SYN3: variants seen among roughly 807,000 people sequenced by gnomAD.
SYN3 encodes the protein synapsin-3.
Under a neutral mutation model 65.8 loss-of-function variants are expected in SYN3, and 35 were observed. The ratio of observed to expected loss-of-function variants is 0.53; its 90% CI spans 0.41 to 0.70. The LOEUF (loss-of-function observed/expected upper bound fraction) is 0.70, where lower values mean the gene tolerates loss of function less well. Among genes scored for constraint, SYN3 ranks in the 30% least tolerant of loss-of-function variants. SYN3 has a pLI of 0.00. For missense variants in SYN3, 680 were observed against 749.0 expected (o/e 0.91, Z 1.08); for synonymous variants, 270 against 292.9 (o/e 0.92, Z 0.80).
intron 4 of SYN3, among the ~76,000 whole-genome samples, chr22:32,914,258 T>G (rs2050131870): frequency 6.6e-6 from 1 of 152,200 alleles, no homozygotes; most frequent in Non-Finnish European, 1.5e-5. Context: ...ATAGTCATAC[T>G]CAATCATGTA....
chr22:32,510,676 C>G lies in SYN3; in HGVS notation c.*3016G>C, dbSNP rs1311857753. On this transcript the variant is annotated 3_prime_UTR_variant, in exon 14 of 14. Coordinates refer to ENST00000358763, the MANE Select transcript of SYN3 (RefSeq NM_003490.4). ...AAGTGGAAGAAACCAAACTTCAACT[C>G]CTATAGCTCTCTGTGCTTGAATCTT... Among the ~76,000 whole-genome samples, 1 of 152,146 alleles carries G rather than the reference C, an allele frequency of 6.6e-6. No homozygotes were observed. The highest frequency in any genetic ancestry group is 2.4e-5 in the African/African-American group (1 of 41,404).
At chr22:32,699,316 C>T (rs1001849735) in intron 6 of SYN3, among the ~76,000 whole-genome samples, 4 of 152,200 alleles carry the variant, frequency 2.6e-5, no homozygotes, top group Admixed American at 1.3e-4. Flanking sequence ...CCACATGGGC[C>T]GTTGGGCTCC....
chr22:32,951,227 A>G (rs567571230), intron 3 of SYN3, among the ~76,000 whole-genome samples: 1 of 152,028 alleles, frequency 6.6e-6, no homozygotes, highest in East Asian at 1.9e-4. Flanking sequence ...CCATTGCCAC[A>G]CTGTCAAACA....
chr22:32,726,275 T>A (rs1287515181), intron 6 of SYN3, among the ~76,000 whole-genome samples: 2 of 152,140 alleles, frequency 1.3e-5, no homozygotes, highest in Non-Finnish European at 2.9e-5. Context: ...CCCAAGTAGC[T>A]GGGATTATAG....
chr22:32,515,851 T>G (rs879775514), intron 13 of SYN3, among the ~76,000 whole-genome samples: 11 of 151,610 alleles, frequency 7.3e-5, no homozygotes, highest in Non-Finnish European at 1.6e-4. Context: ...CAGGCTGGAG[T>G]GCAGTGGCAC....
At chr22:32,973,945 C>A (rs539348021) in intron 3 of SYN3, among the ~76,000 whole-genome samples, 2 of 152,170 alleles carry the variant, frequency 1.3e-5, no homozygotes, top group Non-Finnish European at 2.9e-5. Context: ...TGCATCACCA[C>A]GCCTGGCTGA....
intron 4 of SYN3, among the ~76,000 whole-genome samples, chr22:32,899,099 T>TC (rs2049684219): frequency 1.6e-3 from 6 of 3,702 alleles, no homozygotes; most frequent in Middle Eastern, 0.083. Context: ...AGACTCTGTC[T>TC]CAAAAACAAA....
chr22:32,990,412 CCA>C lies in SYN3; in HGVS notation c.312-9712_312-9711del, dbSNP rs1449956769. 1.3e-4 allele frequency among the ~76,000 whole-genome samples: 4 copies of C among 29,702 alleles called. No homozygotes were observed. The African/African-American group carries it at 1.5e-3, about 11-fold the overall frequency. The allele number at this position is 29,702 out of a possible 152,430, so 19.5% of individuals were successfully genotyped here. A position where few individuals can be genotyped will look rare whatever the true frequency, so the allele number is the denominator to read the frequency against. The stretch of plus-strand genomic sequence containing the variant: ...CCCATCCATCCATCCATCCAGCCAT[CCA>C]TCCATCCATCCATCCATCCATCCAT... On this transcript the variant is annotated intron_variant, in intron 2 of 13. Transcript: ENST00000358763.
At chr22:32,943,704 T>C (rs1254534884) in intron 3 of SYN3, among the ~76,000 whole-genome samples, 2 of 152,024 alleles carry the variant, frequency 1.3e-5, no homozygotes, top group Non-Finnish European at 2.9e-5. Context: ...AGTAGACCCA[T>C]CTCACGTGCA....
At chr22:32,623,833 C>T (rs908794513) in intron 6 of SYN3, among the ~76,000 whole-genome samples, 3 of 152,140 alleles carry the variant, frequency 2.0e-5, no homozygotes, top group Non-Finnish European at 4.4e-5. Context: ...TGAACTCTGT[C>T]GGAAAAACGC....
intron 7 of SYN3, among the ~76,000 whole-genome samples, chr22:32,576,252 G>A (rs1031442459): frequency 6.6e-6 from 1 of 152,094 alleles, no homozygotes; most frequent in Non-Finnish European, 1.5e-5. Flanking sequence ...TAATAGTATG[G>A]CCATTCTCTG....
intron 1 of SYN3, among the ~76,000 whole-genome samples, chr22:33,018,096 G>A (rs1299615332): frequency 6.6e-6 from 1 of 152,202 alleles, no homozygotes; most frequent in Non-Finnish European, 1.5e-5. Flanking sequence ...AGAGACAAGA[G>A]GGATATCTGG....
chr22:32,853,318 G>T (rs1015055831), intron 6 of SYN3, among the ~76,000 whole-genome samples: 1 of 152,170 alleles, frequency 6.6e-6, no homozygotes, highest in Non-Finnish European at 1.5e-5. Flanking sequence ...TGATAGCTCG[G>T]TCGGTCTGTA....
At chr22:32,970,566 A>G (rs1420508211) in intron 3 of SYN3, among the ~76,000 whole-genome samples, 3 of 152,100 alleles carry the variant, frequency 2.0e-5, no homozygotes, top group Non-Finnish European at 4.4e-5. Flanking sequence ...AAAAGAAAAA[A>G]AAAGGTAAAG....
At chr22:32,821,442 T>TG (rs578050821) in intron 6 of SYN3, among the ~76,000 whole-genome samples, 4 of 152,190 alleles carry the variant, frequency 2.6e-5, no homozygotes, top group Non-Finnish European at 4.4e-5. Context: ...AGAAGGTGGG[T>TG]GTGGCCCTCA....
At chr22:32,920,311 T>TA (rs1316392388) in intron 4 of SYN3, among the ~76,000 whole-genome samples, 1 of 152,216 alleles carries the variant, frequency 6.6e-6, no homozygotes, top group African/African-American at 2.4e-5. Context: ...CTTCTGTCTG[T>TA]ATAAACATGG....
chr22:32,881,134 AT>A (rs1254965094), intron 4 of SYN3, among the ~76,000 whole-genome samples: 4 of 152,218 alleles, frequency 2.6e-5, no homozygotes, highest in African/African-American at 9.6e-5. Flanking sequence ...AACATTATTC[AT>A]CGGAGAGATA....
rs2053440194 is a variant in SYN3, at chr22:33,015,188, T to C, written c.-162-8364A>G. On this transcript the variant is annotated intron_variant, in intron 1 of 13. Transcript: ENST00000358763. ...GTGAGCCGAGATGGCGCCACAGCAC[T>C]CCAGCCTGGGCGACAGAGTGAGACT... 10 of 220,232 alleles carry C rather than the reference T, an allele frequency of 4.5e-5. No homozygotes were observed. In the South Asian group the frequency reaches 5.6e-4, roughly 12 times the overall value. The allele number at this position is 220,232 out of a possible 1,614,324, so 13.6% of individuals were successfully genotyped here. A position where few individuals can be genotyped will look rare whatever the true frequency, so the allele number is the denominator to read the frequency against.
At position 32,985,037 on chromosome 22, in the gene SYN3, G is replaced by A. The variant is rs112470162; in HGVS notation, c.312-4335C>T. On this transcript the variant is annotated intron_variant, in intron 2 of 13. Coordinates refer to ENST00000358763, the MANE Select transcript of SYN3 (RefSeq NM_003490.4). ...GGCAGTAAAGTGCAATGGCTTCAGG[G>A]CATACAGCCTGGATAGGACCCCAAC... is the stretch of plus-strand genomic sequence containing the variant. 8.2e-4 allele frequency among the ~76,000 whole-genome samples: 125 copies of A among 152,292 alleles called. 1 individual carries two copies. Among genetic ancestry groups the A allele is most frequent in the African/African-American group, 2.9e-3 (120 of 41,562 alleles).
Sources: gnomAD v4.1 joint callset for allele counts (sites outside exome capture counted in the v4.1 genomes callset) on GRCh38, gnomAD v4.1.1 for gene constraint, MANE v1.5 for transcripts, NCBI Gene and HGNC (gene_info 2026-07-23, HGNC 2026-07-21) for gene names.